The following SVIL variants were observed in gnomAD, a reference collection of about 807,000 sequenced individuals.
SVIL encodes the protein archvillin.
A neutral mutation model predicts 240.4 loss-of-function variants in SVIL; 101 were observed. The ratio of observed to expected loss-of-function variants is 0.42; its 90% CI spans 0.36 to 0.50. SVIL has a LOEUF of 0.50. Ranked by LOEUF, SVIL falls within the 20% of genes least tolerant of loss-of-function variation. The pLI, the probability that SVIL is intolerant of heterozygous loss-of-function variation, is 0.01. For synonymous variants in SVIL, 999 were observed against 1,100.0 expected (o/e 0.91, Z 1.82); for missense variants, 2,512 against 2,818.7 (o/e 0.89, Z 2.46).
chr10:29,586,763 T>C (rs1463478451), intron 1 of SVIL, among the ~76,000 whole-genome samples: 1 of 152,148 alleles, frequency 6.6e-6, no homozygotes, highest in African/African-American at 2.4e-5. Context: ...AGCAGGAGGC[T>C]ACCATCCTTG....
intron 32 of SVIL, among the ~76,000 whole-genome samples, chr10:29,469,953 C>T (rs1190085778): frequency 2.0e-5 from 3 of 152,154 alleles, no homozygotes; most frequent in Non-Finnish European, 4.4e-5. Flanking sequence ...TATCAAAGGC[C>T]CCCAGGCTTC....
At chr10:29,528,554 C>T (rs877916) in intron 12 of SVIL, among the ~76,000 whole-genome samples, 4,888 of 151,802 alleles carry the variant, frequency 0.032, 263 homozygotes, top group African/African-American at 0.11. Context: ...GACTGGGCAA[C>T]ATGGCAAAAC....
Position 29,554,866 on chromosome 10 carries a change from C to T in SVIL, c.77G>A (p.Cys26Tyr), listed in dbSNP as rs1406223254. 6.2e-7 allele frequency: 1 copy of T among 1,613,834 alleles called. No homozygotes were observed. Among genetic ancestry groups the T allele is most frequent in the East Asian group, 2.2e-5 (1 of 44,852 alleles). The part of the protein sequence containing the change: ...NDTQPILLQS[C>Y]TGLVTHRLLE... The stretch of plus-strand genomic sequence containing the variant: ...CAGGCGGTGAGTCACCAATCCTGTG[C>T]AGCTCTGCAAGAGGATGGGCTGAGT... The change falls in exon 5 of 38, where the codon TGC becomes TAC. Residue 26 changes from cysteine (C) to tyrosine (Y), a missense_variant. Physicochemically the swap from Cys to Tyr is radical, Grantham distance 194. Around this residue, in one of 3 missense-constraint regions of SVIL, gnomAD observed 1,443 missense variants for 1,486.6 expected, o/e 0.97. Transcript: ENST00000355867.
intron 3 of SVIL, among the ~76,000 whole-genome samples, chr10:29,557,438 T>G (rs576371713): frequency 6.6e-6 from 1 of 151,866 alleles, no homozygotes; most frequent in African/African-American, 2.4e-5. Context: ...TTCAACTGGA[T>G]AAGTATCAAA....
chr10:29,682,313 C>A (rs1241306042), intron 2 of SVIL, among the ~76,000 whole-genome samples: 1 of 152,080 alleles, frequency 6.6e-6, no homozygotes, highest in Non-Finnish European at 1.5e-5. Context: ...CTGCGTCAGC[C>A]CAATGATGAA....
intron 1 of SVIL, among the ~76,000 whole-genome samples, chr10:29,583,765 C>T (rs1249484034): frequency 6.6e-6 from 1 of 152,140 alleles, no homozygotes; most frequent in African/African-American, 2.4e-5. Context: ...AAGCAGATCC[C>T]GTGCTCACAG....
chr10:29,696,144 G>T (rs955094510), intron 1 of SVIL, among the ~76,000 whole-genome samples: 11 of 151,812 alleles, frequency 7.2e-5, no homozygotes, highest in Non-Finnish European at 1.6e-4. Flanking sequence ...GGTGGGGACG[G>T]GGTTTCGCTG....
At position 29,484,359 on chromosome 10, in the gene SVIL, C is replaced by T. The variant is rs1380595629; in HGVS notation, c.4955+297G>A. Among the ~76,000 whole-genome samples the T allele has an allele frequency of 2.6e-5, 4 of 152,186 alleles. No individual in the cohort carries two copies. The highest frequency in any genetic ancestry group is 9.7e-5 in the African/African-American group (4 of 41,430). On this transcript the variant is annotated intron_variant, in intron 27 of 37. Transcript: ENST00000355867. This position sits in a 1 kb window ranked among gnomAD's most constrained non-coding sequence, Gnocchi z 4.7. ...GTAATTTGTTTAAACAATTGCTGTT[C>T]ATCTGCCACAGCAGCACTTGTAATG... is the stretch of plus-strand genomic sequence containing the variant.
chr10:29,460,589 C>T (rs1402280112), intron 36 of SVIL, among the ~76,000 whole-genome samples: 1 of 152,156 alleles, frequency 6.6e-6, no homozygotes, highest in Non-Finnish European at 1.5e-5. Flanking sequence ...GAGTTCCTTT[C>T]TCAGGAAACC....
chr10:29,581,447 T>C (rs1019271453), intron 1 of SVIL, among the ~76,000 whole-genome samples: 1 of 152,218 alleles, frequency 6.6e-6, no homozygotes, highest in Non-Finnish European at 1.5e-5. Flanking sequence ...AAATGTTGCA[T>C]TACATCACTG....
chr10:29,480,412 T>A, intron 29 of SVIL, 125 bp downstream of exon 29: 3 of 1,234,344 alleles, frequency 2.4e-6, no homozygotes, highest in African/African-American at 1.5e-5. Flanking sequence ...CAAAGGCGCA[T>A]GACTGCAGTG....
chr10:29,501,037 C>T (rs555266118), intron 17 of SVIL, among the ~76,000 whole-genome samples: 1 of 152,276 alleles, frequency 6.6e-6, no homozygotes, highest in East Asian at 1.9e-4. Flanking sequence ...GTGGACTTCT[C>T]CATCATCTAA....
At chr10:29,597,624 T>A (rs1956647751) in intron 1 of SVIL, among the ~76,000 whole-genome samples, 1 of 151,978 alleles carries the variant, frequency 6.6e-6, no homozygotes, top group Non-Finnish European at 1.5e-5. Context: ...GGTCTCGAAC[T>A]CCTGACCTCA....
At chr10:29,529,175 C>CAAAAAAAAAAAAAAAAA (rs66523560) in intron 12 of SVIL, among the ~76,000 whole-genome samples, 6 of 66,070 alleles carry the variant, frequency 9.1e-5, no homozygotes, top group African/African-American at 1.7e-4. Flanking sequence ...GACTCTCTCT[C>CAAAAAAAAAAAAAAAAA]AAAAAAAAAA....
At chr10:29,693,028 C>T (rs572189803) in intron 1 of SVIL, among the ~76,000 whole-genome samples, 6 of 152,188 alleles carry the variant, frequency 3.9e-5, no homozygotes, top group South Asian at 2.1e-4. Context: ...CGCCAAGGTC[C>T]GATTTTTCAC....
At chr10:29,588,912 C>T (rs10826668) in intron 1 of SVIL, among the ~76,000 whole-genome samples, 16,623 of 152,044 alleles carry the variant, frequency 0.11, 1,016 homozygotes, top group African/African-American at 0.15. Flanking sequence ...CTACCTCCCC[C>T]ACCCCCCCTT....
chr10:29,538,716 AAGGT>A (rs1208104596), intron 6 of SVIL, among the ~76,000 whole-genome samples: 1 of 152,248 alleles, frequency 6.6e-6, no homozygotes, highest in African/African-American at 2.4e-5. Context: ...GAGCATATCT[AAGGT>A]AGGTTGGGTG....
At position 29,631,820 on chromosome 10, in the gene SVIL, G is replaced by A. The variant is rs150514408; in HGVS notation, c.-201+2600C>T. Among the ~76,000 whole-genome samples, 1,206 of 152,266 alleles carry A rather than the reference G, an allele frequency of 7.9e-3. 9 individuals carry two copies. Among genetic ancestry groups the A allele is most frequent in the Non-Finnish European group, 0.014 (939 of 68,014 alleles). On this transcript the variant is annotated intron_variant, in intron 1 of 37. Transcript: ENST00000355867. ...AGATGGCGAGGCTTAAGAGGAGGTG[G>A]TGGGGCAGAGGCCTCGGGGACCTAA...
intron 1 of SVIL, among the ~76,000 whole-genome samples, chr10:29,583,451 C>G (rs12774608): frequency 0.035 from 5,368 of 152,216 alleles, 128 homozygotes; most frequent in Admixed American, 0.089. Flanking sequence ...AGGGGCCCAC[C>G]ACCACGCCTA....
Sources: gnomAD v4.1 joint callset for allele counts (sites outside exome capture counted in the v4.1 genomes callset) on GRCh38, gnomAD v4.1.1 for gene constraint, gnomAD v4.1.1 regional missense constraint, Gnocchi (gnomAD v3.1) non-coding constraint, MANE v1.5 for transcripts, NCBI Gene and HGNC (gene_info 2026-07-23, HGNC 2026-07-21) for gene names.